The following AHCY variants were observed in gnomAD, a reference collection of about 807,000 sequenced individuals.
AHCY encodes adenosylhomocysteinase.
In AHCY, 24 loss-of-function variants were observed where a neutral mutation model predicts 45.4. That is an observed-to-expected ratio of 0.53 (90% CI 0.38 to 0.74). AHCY has a LOEUF of 0.74. Ranked by LOEUF, AHCY falls within the 30% of genes least tolerant of loss-of-function variation. The pLI is 0.00. For synonymous variants in AHCY, 245 were observed against 235.1 expected, an observed-to-expected ratio of 1.04 and a Z score of -0.39; for missense variants, 449 against 594.1, an observed-to-expected ratio of 0.76 and a Z score of 2.54.
chr20:34,260,287 G>C, the AHCY span: 2 of 1,443,060 alleles, frequency 1.4e-6, no homozygotes, highest in Non-Finnish European at 1.9e-6. Flanking sequence ...CCAGCCCAAA[G>C]AAGCACAAAG....
the AHCY span, among the ~76,000 whole-genome samples, chr20:34,255,040 T>G: frequency 6.6e-6 from 1 of 152,174 alleles, no homozygotes; most frequent in East Asian, 1.9e-4. Flanking sequence ...TGGTGAGATC[T>G]CCTGCCTACC....
intron 2 of AHCY, 119 bp from the exon 3 acceptor site, chr20:34,294,275 C>A: frequency 2.2e-6 from 2 of 908,994 alleles, no homozygotes; most frequent in Non-Finnish European, 3.6e-6. Context: ...CTAGGCACAG[C>A]AAGCTCTAGG....
intron 9 of AHCY, 158 bp from the exon 10 acceptor site, chr20:34,281,323 GTGT>G: frequency 7.9e-7 from 1 of 1,267,996 alleles, no homozygotes; most frequent in East Asian, 2.5e-5. Flanking sequence ...CTCAGTTAAT[GTGT>G]TGTTTTGGCT....
At chr20:34,238,694 A>G in the AHCY span, among the ~76,000 whole-genome samples, 1 of 151,934 alleles carries the variant, frequency 6.6e-6, no homozygotes. Context: ...TGAATGTGCC[A>G]TATTTTTTCT....
intron 1 of AHCY, chr20:34,302,705 G>C (rs899353183): frequency 1.7e-5 from 17 of 987,916 alleles, no homozygotes; most frequent in Admixed American, 1.2e-4. Flanking sequence ...AGGGGTGGGG[G>C]ACCCCACAGG....
At chr20:34,282,286 A>G (rs964705257) in intron 9 of AHCY, among the ~76,000 whole-genome samples, 4 of 152,200 alleles carry the variant, frequency 2.6e-5, no homozygotes, top group Admixed American at 1.3e-4. Flanking sequence ...GGAGAGGCCC[A>G]TGCATGAGGA....
the AHCY span, among the ~76,000 whole-genome samples, chr20:34,268,322 C>A: frequency 6.6e-6 from 1 of 152,124 alleles, no homozygotes; most frequent in Non-Finnish European, 1.5e-5. Context: ...CTGCTGCGTT[C>A]GGTGCACAGC....
At chr20:34,235,962 A>AGGGAGGGAGGGAAGAAGGAAGG in the AHCY span, among the ~76,000 whole-genome samples, 28 of 83,852 alleles carry the variant, frequency 3.3e-4, 3 homozygotes, top group African/African-American at 4.4e-3. Flanking sequence ...GGAAGGAAGG[A>AGGGAGGGAGGGAAGAAGGAAGG]AGGAGGGAGG....
At chr20:34,246,173 T>C in the AHCY span, 1 of 1,110,984 alleles carries the variant, frequency 9.0e-7, no homozygotes, top group Non-Finnish European at 1.3e-6. Flanking sequence ...ATGTTTCTTC[T>C]TTGCTCTAGG....
chr20:34,291,500 A>C lies in AHCY; in HGVS notation c.477T>G (p.Thr159=), dbSNP rs1289209911. The C allele has an allele frequency of 6.2e-7, 1 of 1,614,034 alleles. No individual in the cohort carries two copies. The highest frequency in any genetic ancestry group is 8.5e-7 in the Non-Finnish European group (1 of 1,180,022). ...GIRGISEETT[T]GVHNLYKMMA... ...TCATCTTGTAGAGGTTGTGGACCCC[A>C]GTCGTGGTCTCCTCAGAGATGCCTC... is the stretch of plus-strand genomic sequence containing the variant. The change falls in exon 5 of 10, where the codon ACT becomes ACG. Residue 159 remains threonine, a synonymous_variant. Coordinates refer to ENST00000217426, the MANE Select transcript of AHCY (RefSeq NM_000687.4).
Position 34,290,924 on chromosome 20 carries a change from G to A in AHCY, c.573C>T (p.Asn191=), listed in dbSNP as rs1422074498. The A allele has an allele frequency of 3.1e-6, 5 of 1,614,062 alleles. No individual in the cohort carries two copies. In the African/African-American group the frequency reaches 6.7e-5, roughly 22 times the overall value. Residue 191 remains asparagine, a synonymous_variant, in exon 6 of 10, where the codon AAC becomes AAT. Transcript: ENST00000217426. The surrounding 1 kb of genome is among the most constrained non-coding windows in gnomAD (Gnocchi z 4.5). ...NDSVTKSKFD[N]LYGCRESLID... ...TGAGGGACTCCCGGCAGCCATAGAGGTTGTCAAACTTGCTCTGAAAGGAAA... is the reference window on the plus strand; with the variant it reads ...TGAGGGACTCCCGGCAGCCATAGAGATTGTCAAACTTGCTCTGAAAGGAAA...
chr20:34,284,302 G>C (rs2036099364), intron 9 of AHCY, among the ~76,000 whole-genome samples: 1 of 152,124 alleles, frequency 6.6e-6, no homozygotes, highest in African/African-American at 2.4e-5. Context: ...TGGGACTACA[G>C]GCATGCGCCA....
chr20:34,290,316 G>A lies in AHCY; in HGVS notation c.972+16C>T. On this transcript the variant is annotated intron_variant, in intron 8 of 9. Coordinates refer to ENST00000217426, the MANE Select transcript of AHCY (RefSeq NM_000687.4). The surrounding 1 kb of genome is among the most constrained non-coding windows in gnomAD (Gnocchi z 4.5). ...TCCCATCTGCCCAGCCCACTGGCAA[G>A]GCGGGAGCTTCTCACCTGCGGCTTG... is the stretch of plus-strand genomic sequence containing the variant. 9 of 1,612,728 alleles carry A rather than the reference G, an allele frequency of 5.6e-6. No individual in the cohort carries two copies. The highest frequency in any genetic ancestry group is 6.8e-6 in the Non-Finnish European group (8 of 1,179,314).
the AHCY span, chr20:34,246,546 A>G: frequency 1.1e-6 from 1 of 952,338 alleles, no homozygotes; most frequent in South Asian, 1.3e-5. Flanking sequence ...GCTCACTGCA[A>G]CCTCTGCCTC....
the AHCY span, among the ~76,000 whole-genome samples, chr20:34,235,216 C>T: frequency 6.6e-6 from 1 of 152,116 alleles, no homozygotes; most frequent in African/African-American, 2.4e-5. Flanking sequence ...CCGAGGTGGG[C>T]AGATCATGAA....
chr20:34,272,508 C>T, the AHCY span, among the ~76,000 whole-genome samples: 1 of 152,198 alleles, frequency 6.6e-6, no homozygotes, highest in Admixed American at 6.5e-5. Flanking sequence ...AGTGGAGCCT[C>T]TAGAACTTTT....
the AHCY span, among the ~76,000 whole-genome samples, chr20:34,263,064 C>T: frequency 6.6e-6 from 1 of 152,132 alleles, no homozygotes; most frequent in East Asian, 1.9e-4. Flanking sequence ...GAGCCAGACA[C>T]CCACAGAAGC....
intron 9 of AHCY, 110 bp downstream of exon 9, chr20:34,285,330 G>T: frequency 8.4e-7 from 1 of 1,185,162 alleles, no homozygotes. Flanking sequence ...CCCCATGAGG[G>T]CCTCTAAGAG....
upstream of AHCY, among the ~76,000 whole-genome samples, chr20:34,303,913 T>A (rs1335342325): frequency 6.6e-6 from 1 of 152,064 alleles, no homozygotes; most frequent in Non-Finnish European, 1.5e-5. Flanking sequence ...GGAGGGAGGA[T>A]CTTTTGAGCC....
Sources: allele counts gnomAD v4.1 joint callset (sites outside exome capture counted in the v4.1 genomes callset), GRCh38; gene constraint gnomAD v4.1.1; non-coding constraint Gnocchi (gnomAD v3.1); transcripts MANE v1.5; gene names NCBI Gene and HGNC (gene_info 2026-07-23, HGNC 2026-07-21).